Variants in TEX2 observed in about 807,000 individuals in gnomAD.
TEX2 encodes testis expressed 2.
In TEX2, 53 loss-of-function variants were observed where a neutral mutation model predicts 106.9. That is an observed-to-expected ratio of 0.50 (90% CI 0.40 to 0.62). The LOEUF (loss-of-function observed/expected upper bound fraction) is 0.62, where lower values mean the gene tolerates loss of function less well. Among genes scored for constraint, TEX2 ranks in the 20% least tolerant of loss-of-function variants. The pLI is 0.00. For missense variants in TEX2, 1,207 were observed against 1,379.0 expected (o/e 0.88, Z 1.98); for synonymous variants, 523 against 534.8 (o/e 0.98, Z 0.30).
At chr17:64,256,162 T>G (rs1567972496) in intron 1 of TEX2, 1 of 152,208 alleles carries the variant, frequency 6.6e-6, no homozygotes, top group Non-Finnish European at 1.5e-5. Flanking sequence ...ACGCTACACA[T>G]GGAATCATGG....
intron 2 of TEX2, among the ~76,000 whole-genome samples, chr17:64,202,556 G>T (rs942198318): frequency 6.6e-6 from 1 of 152,198 alleles, no homozygotes; most frequent in African/African-American, 2.4e-5. Flanking sequence ...CCAGATTTCA[G>T]CAATTGTCGA....
chr17:64,153,217 T>C lies in TEX2; in HGVS notation c.2931-63A>G, dbSNP rs544229029. ...TTTGCTCTTTTCACAGACAAAAACC[T>C]GTGGCTCTTCGTTCCCCTTACTTTA... On this transcript the variant is annotated intron_variant, in intron 9 of 11. Coordinates refer to ENST00000584379, the MANE Select transcript of TEX2 (RefSeq NM_001288732.2). This position sits in a 1 kb window ranked among gnomAD's most constrained non-coding sequence, Gnocchi z 4.1. The C allele has an allele frequency of 1.3e-4, 151 of 1,187,638 alleles. No individual in the cohort carries two copies. Among genetic ancestry groups the C allele is most frequent in the Non-Finnish European group, 1.7e-4 (143 of 819,618 alleles). The allele number at this position is 1,187,638 out of a possible 1,614,324, so 73.6% of individuals were successfully genotyped here.
At chr17:64,187,850 A>G (rs950652838) in intron 5 of TEX2, among the ~76,000 whole-genome samples, 2 of 152,174 alleles carry the variant, frequency 1.3e-5, no homozygotes, top group African/African-American at 4.8e-5. Flanking sequence ...CTTCCTGACC[A>G]CCCATCCAAA....
chr17:64,232,818 T>A (rs1225417804), intron 1 of TEX2, among the ~76,000 whole-genome samples: 1 of 152,216 alleles, frequency 6.6e-6, no homozygotes, highest in Non-Finnish European at 1.5e-5. Flanking sequence ...AAAAGCATAG[T>A]TTCTGTTAAG....
chr17:64,255,028 C>CTTTTTTTTTTTTTTTTTTTTT lies in TEX2; in HGVS notation c.-26+8139_-26+8140insAAAAAAAAAAAAAAAAAAAAA, dbSNP rs566755382. Among the ~76,000 whole-genome samples, 2 of 132,488 alleles carry CTTTTTTTTTTTTTTTTTTTTT rather than the reference C, an allele frequency of 1.5e-5. 1 individual carries two copies. Among genetic ancestry groups the CTTTTTTTTTTTTTTTTTTTTT allele is most frequent in the African/African-American group, 5.6e-5 (2 of 35,936 alleles). The allele number at this position is 132,488 out of a possible 152,430, so 86.9% of individuals were successfully genotyped here. A position where few individuals can be genotyped will look rare whatever the true frequency, so the allele number is the denominator to read the frequency against. ...TACAGGTGTGTGTCACTGCATCTGG[C>CTTTTTTTTTTTTTTTTTTTTT]TTTTTTTTTTTTTTTTTTGTAGAGG... On this transcript the variant is annotated intron_variant, in intron 1 of 11. Coordinates refer to ENST00000584379, the MANE Select transcript of TEX2 (RefSeq NM_001288732.2).
chr17:64,213,339 G>T lies in TEX2; in HGVS notation c.879C>A (p.Arg293=). The T allele has an allele frequency of 1.2e-6, 2 of 1,613,968 alleles. No homozygotes were observed. Among genetic ancestry groups the T allele is most frequent in the Non-Finnish European group, 1.7e-6 (2 of 1,180,036 alleles). ...MEAKIEDTKR[R]LSEVIYEPFQ... is the part of the protein sequence containing the mutation. ...AAGGCTCATAGATGACTTCTGAAAG[G>T]CGTCGTTTAGTATCTTCAATTTTAG... The change falls in exon 2 of 12, where the codon CGC becomes CGA. Residue 293 remains arginine (R), a synonymous_variant. Coordinates refer to ENST00000584379, the MANE Select transcript of TEX2 (RefSeq NM_001288732.2). The surrounding 1 kb of genome is among the most constrained non-coding windows in gnomAD (Gnocchi z 4.4).
intron 2 of TEX2, among the ~76,000 whole-genome samples, chr17:64,201,437 A>T (rs1425423652): frequency 6.6e-6 from 1 of 152,200 alleles, no homozygotes; most frequent in Middle Eastern, 3.2e-3. Flanking sequence ...TCATAATAAT[A>T]GCTGACATTT....
rs755172111 is a variant in TEX2 at position 64,193,740 on chromosome 17, A to AGCTGGTGG, written c.1994_1995insCCACCAGC (p.Glu666HisfsTer48). ...GGCGGGGTGGCTTCTTAGGGTCCTC[A>AGCTGGTGG]CTTCCCTCAGCTGGCGGCTTCTCTT... On this transcript the variant is annotated frameshift_variant, in exon 4 of 12. Transcript: ENST00000584379. LOFTEE classifies it high-confidence loss of function. The AGCTGGTGG allele has an allele frequency of 2.5e-6, 4 of 1,613,426 alleles. No homozygotes were observed. In the African/African-American group the frequency reaches 5.3e-5, roughly 22 times the overall value.
chr17:64,258,154 T>G (rs1555638011), intron 1 of TEX2, among the ~76,000 whole-genome samples: 1 of 152,152 alleles, frequency 6.6e-6, no homozygotes, highest in Non-Finnish European at 1.5e-5. Context: ...TCAGGCAATC[T>G]GCCCACCTCA....
At chr17:64,173,288 TTC>T (rs2031490440) in intron 6 of TEX2, among the ~76,000 whole-genome samples, 3 of 152,210 alleles carry the variant, frequency 2.0e-5, no homozygotes, top group Admixed American at 2.0e-4. Flanking sequence ...TCTCCCAGAA[TTC>T]TCTTAGTTAT....
intron 10 of TEX2, among the ~76,000 whole-genome samples, chr17:64,151,241 CT>C (rs1381235563): frequency 1.3e-5 from 2 of 152,078 alleles, no homozygotes; most frequent in African/African-American, 4.8e-5. Context: ...GCATTGGTTT[CT>C]GTTTTTTTCT....
At chr17:64,236,275 T>TA (rs1355411500) in intron 1 of TEX2, among the ~76,000 whole-genome samples, 2 of 152,304 alleles carry the variant, frequency 1.3e-5, no homozygotes, top group East Asian at 3.9e-4. Context: ...CTAGAGATTA[T>TA]TTAAAGTATA....
chr17:64,151,049 G>A (rs2030328060), intron 10 of TEX2, 88 bp from the exon 11 acceptor site: 6 of 1,385,782 alleles, frequency 4.3e-6, no homozygotes, highest in East Asian at 2.3e-5. Context: ...TTTACATGGG[G>A]CTTTATCACT....
At chr17:64,242,798 C>A (rs1386448284) in intron 1 of TEX2, among the ~76,000 whole-genome samples, 1 of 152,066 alleles carries the variant, frequency 6.6e-6, no homozygotes, top group African/African-American at 2.4e-5. Context: ...ATGTAAAAAA[C>A]AATTTGGCCA....
At chr17:64,152,922 G>A (rs1304815028) in intron 10 of TEX2, 23 bp downstream of exon 10, 1 of 1,607,308 alleles carries the variant, frequency 6.2e-7, no homozygotes, top group Non-Finnish European at 8.5e-7. Flanking sequence ...ATCACTTATT[G>A]TCCCTGAGGG....
intron 5 of TEX2, among the ~76,000 whole-genome samples, chr17:64,187,792 C>G (rs560228319): frequency 6.6e-6 from 1 of 152,262 alleles, no homozygotes; most frequent in South Asian, 2.1e-4. Context: ...GGCTCACTCC[C>G]CCGTGACCAA....
intron 1 of TEX2, among the ~76,000 whole-genome samples, chr17:64,244,968 C>G (rs1555636151): frequency 6.6e-6 from 1 of 152,112 alleles, no homozygotes; most frequent in African/African-American, 2.4e-5. Context: ...TACCCCATTA[C>G]CAATATTCTT....
At chr17:64,192,521 C>G (rs1254925494) in intron 4 of TEX2, among the ~76,000 whole-genome samples, 1 of 152,218 alleles carries the variant, frequency 6.6e-6, no homozygotes, top group East Asian at 1.9e-4. Flanking sequence ...AGACTTCCAG[C>G]CTCCAGTACT....
intron 7 of TEX2, among the ~76,000 whole-genome samples, chr17:64,164,693 A>G (rs2031046829): frequency 6.6e-6 from 1 of 152,224 alleles, no homozygotes; most frequent in Non-Finnish European, 1.5e-5. Context: ...CCCTGCCCTC[A>G]GGAAGTGTAT....
Sources: gnomAD v4.1 joint callset for allele counts (sites outside exome capture counted in the v4.1 genomes callset) on GRCh38, gnomAD v4.1.1 for gene constraint, Gnocchi (gnomAD v3.1) non-coding constraint, MANE v1.5 for transcripts, NCBI Gene and HGNC (gene_info 2026-07-23, HGNC 2026-07-21) for gene names.